The following HSPA4 variants were observed in gnomAD, a reference collection of about 807,000 sequenced individuals.
The protein encoded by HSPA4 is heat shock 70 kDa protein 4.
In HSPA4, 25 loss-of-function variants were observed where a neutral mutation model predicts 106.2. That is an observed-to-expected ratio of 0.24 (90% CI 0.17 to 0.33). The LOEUF is 0.33. Ranked by LOEUF, HSPA4 falls within the 10% of genes least tolerant of loss-of-function variation. The pLI is 1.00. For synonymous variants in HSPA4, 332 were observed against 333.6 expected (o/e 1.00, Z 0.05); for missense variants, 841 against 996.0 (o/e 0.84, Z 2.10).
chr5:133,080,039 CA>C (rs1006312532), intron 7 of HSPA4, among the ~76,000 whole-genome samples: 17 of 152,180 alleles, frequency 1.1e-4, no homozygotes, highest in African/African-American at 3.9e-4. Flanking sequence ...ATATTGCTGT[CA>C]AAGTGTGACA....
At chr5:133,084,612 A>C (rs1765555339) in intron 7 of HSPA4, among the ~76,000 whole-genome samples, 1 of 151,992 alleles carries the variant, frequency 6.6e-6, no homozygotes, top group African/African-American at 2.4e-5. Flanking sequence ...CTGGGATTAC[A>C]GGCATGCACC....
Position 133,096,210 on chromosome 5 carries a change from A to T in HSPA4, c.1763A>T (p.Gln588Leu). 6.2e-7 allele frequency: 1 copy of T among 1,613,950 alleles called. No individual in the cohort carries two copies. Among genetic ancestry groups the T allele is most frequent in the Non-Finnish European group, 8.5e-7 (1 of 1,179,854 alleles). The change falls in exon 14 of 19, where the codon CAG becomes CTG. Residue 588 changes from glutamine (Q) to leucine (L), a missense_variant. By Grantham distance (113) the Gln-to-Leu change is moderately radical. Coordinates refer to ENST00000304858, the MANE Select transcript of HSPA4 (RefSeq NM_002154.4). ...CCAATCGAGAATCAGCTATTATGGC[A>T]GATAGACAGAGAGATGCTCAACTTG... ...DLPIENQLLW[Q>L]IDREMLNLYI...
At chr5:133,098,284 A>G (rs1336043211) in intron 15 of HSPA4, among the ~76,000 whole-genome samples, 1 of 152,004 alleles carries the variant, frequency 6.6e-6, no homozygotes, top group Admixed American at 6.6e-5. Context: ...GTGTGTATAT[A>G]CCACGTTTTC....
rs981723714 is a variant in HSPA4, at chr5:133,105,391, C to T, written c.*955C>T. The T allele has an allele frequency of 6.6e-6, 1 of 152,102 alleles. No homozygotes were observed. The highest frequency in any genetic ancestry group is 2.4e-5 in the African/African-American group (1 of 41,408). 9.4% of individuals were successfully genotyped at this position (152,102 alleles called of 1,614,324 possible). ...GTGTTAATATCTGTCATGAACCTGC[C>T]AATTTGTACGTGTTAAGCAGCTGAC... On this transcript the variant is annotated 3_prime_UTR_variant, in exon 19 of 19. Coordinates refer to ENST00000304858, the MANE Select transcript of HSPA4 (RefSeq NM_002154.4).
At chr5:133,089,447 A>G in intron 10 of HSPA4, 115 bp from the exon 11 acceptor site, 1 of 903,530 alleles carries the variant, frequency 1.1e-6, no homozygotes, top group Non-Finnish European at 1.6e-6. Context: ...TGGAAATAAT[A>G]CCAATTGAAA....
intron 15 of HSPA4, 38 bp downstream of exon 15, chr5:133,097,324 T>G: frequency 6.3e-7 from 1 of 1,581,768 alleles, no homozygotes; most frequent in Non-Finnish European, 8.7e-7. Context: ...CTGTGTGTCT[T>G]CTGTGAACAT....
At chr5:133,078,635 C>CAAAAAAAA (rs57393822) in intron 7 of HSPA4, among the ~76,000 whole-genome samples, 1 of 79,596 alleles carries the variant, frequency 1.3e-5, no homozygotes, top group African/African-American at 4.8e-5. Flanking sequence ...ACACTGTCTC[C>CAAAAAAAA]AAAAAAAAAA....
intron 13 of HSPA4, among the ~76,000 whole-genome samples, chr5:133,093,252 A>G (rs1765672666): frequency 6.6e-6 from 1 of 152,046 alleles, no homozygotes; most frequent in Non-Finnish European, 1.5e-5. Flanking sequence ...TTTTTTAGGA[A>G]GATTTTGTAG....
chr5:133,062,239 T>C (rs1160387273), intron 1 of HSPA4, among the ~76,000 whole-genome samples: 2 of 152,146 alleles, frequency 1.3e-5, no homozygotes, highest in Non-Finnish European at 2.9e-5. Context: ...GTTACTGACA[T>C]AGAATAGGAA....
intron 1 of HSPA4, among the ~76,000 whole-genome samples, chr5:133,056,281 A>G (rs1263125287): frequency 4.6e-5 from 7 of 152,138 alleles, no homozygotes; most frequent in Non-Finnish European, 1.0e-4. Context: ...GCTTGAGAGA[A>G]TGCTGTGAGA....
chr5:133,053,576 C>T (rs1346493283), intron 1 of HSPA4, among the ~76,000 whole-genome samples: 2 of 152,094 alleles, frequency 1.3e-5, no homozygotes, highest in Admixed American at 6.6e-5. Context: ...TCTCGAACTT[C>T]TGGACTCAAG....
chr5:133,079,236 A>G (rs1765485802), intron 7 of HSPA4, among the ~76,000 whole-genome samples: 1 of 152,224 alleles, frequency 6.6e-6, no homozygotes, highest in South Asian at 2.1e-4. Context: ...CCTCTATGTA[A>G]TGGAAAAACA....
intron 14 of HSPA4, 121 bp downstream of exon 14, chr5:133,096,371 G>A: frequency 2.3e-6 from 2 of 885,962 alleles, no homozygotes; most frequent in Non-Finnish European, 3.4e-6. Flanking sequence ...AAATAAATTA[G>A]ACTTTTGTGT....
Position 133,104,330 on chromosome 5 carries a change from T to A in HSPA4, c.2417T>A (p.Val806Glu). 6.2e-7 allele frequency: 1 copy of A among 1,614,124 alleles called. No individual in the cohort carries two copies. Among genetic ancestry groups the A allele is most frequent in the Non-Finnish European group, 8.5e-7 (1 of 1,180,012 alleles). The change falls in exon 19 of 19, where the codon GTG becomes GAG. Residue 806 changes from valine (V) to glutamate (E), a missense_variant. Transcript: ENST00000304858. ...AAAAATGCAGAGCAGAATGGACCAG[T>A]GGATGGACAAGGAGACAACCCAGGC... ...EQKNAEQNGP[V>E]DGQGDNPGPQ... is the part of the protein sequence containing the mutation.
At chr5:133,087,970 C>T (rs1016836878) in intron 8 of HSPA4, among the ~76,000 whole-genome samples, 1 of 152,186 alleles carries the variant, frequency 6.6e-6, no homozygotes, top group Non-Finnish European at 1.5e-5. Flanking sequence ...TGGATTAGAA[C>T]ACTGGAGTAG....
At chr5:133,082,588 C>A (rs1203589134) in intron 7 of HSPA4, among the ~76,000 whole-genome samples, 1 of 152,076 alleles carries the variant, frequency 6.6e-6, no homozygotes, top group Non-Finnish European at 1.5e-5. Context: ...ACCTCAGACC[C>A]CCAAGTAGAT....
At chr5:133,088,123 G>A (rs955563350) in intron 8 of HSPA4, among the ~76,000 whole-genome samples, 1 of 152,146 alleles carries the variant, frequency 6.6e-6, no homozygotes, top group Non-Finnish European at 1.5e-5. Flanking sequence ...GAGATTGTGT[G>A]AGAAATTCAG....
chr5:133,066,719 TTTTTC>T (rs1293137921), intron 2 of HSPA4, among the ~76,000 whole-genome samples: 2 of 150,624 alleles, frequency 1.3e-5, no homozygotes, highest in East Asian at 1.9e-4. Context: ...ACTGGAATTT[TTTTTC>T]TTTTCTTTTT....
Position 133,067,529 on chromosome 5 carries a change from A to G in HSPA4, c.278A>G (p.Gln93Arg), listed in dbSNP as rs770632199. 25 of 1,613,700 alleles carry G rather than the reference A, an allele frequency of 1.5e-5. No homozygotes were observed. In the African/African-American group the frequency reaches 2.3e-4, roughly 15 times the overall value. The change falls in exon 3 of 19, where the codon CAG (glutamine) becomes CGG (arginine). Residue 93 changes from glutamine (Q) to arginine (R), a missense_variant. Transcript: ENST00000304858. ...TCTAACCTTGCATATGATATTGTGC[A>G]GTTGCCTACAGGATTAACAGGTATA... ...EKSNLAYDIVQLPTGLTGIKV... is the reference protein window; with the variant it reads ...EKSNLAYDIVRLPTGLTGIKV...
Sources: gnomAD v4.1 joint callset for allele counts (sites outside exome capture counted in the v4.1 genomes callset) on GRCh38, gnomAD v4.1.1 for gene constraint, MANE v1.5 for transcripts, NCBI Gene and HGNC (gene_info 2026-07-23, HGNC 2026-07-21) for gene names.